Variants in PCDHGA4 observed in about 807,000 individuals in gnomAD.
The protein encoded by PCDHGA4 is protocadherin gamma subfamily A, 4.
A neutral mutation model predicts 54.6 loss-of-function variants in PCDHGA4; 38 were observed. The observed-to-expected ratio is 0.70, with a 90% CI of 0.54 to 0.91. The LOEUF (loss-of-function observed/expected upper bound fraction) is 0.91, where lower values mean the gene tolerates loss of function less well. PCDHGA4 is among the 40% of genes least tolerant of loss of function. The pLI is 0.00. For synonymous variants in PCDHGA4, 511 were observed against 512.9 expected (o/e 1.00, Z 0.05); for missense variants, 1,298 against 1,220.9 (o/e 1.06, Z -0.94).
At position 141,447,650 on chromosome 5, in the gene PCDHGA4, T is replaced by C. The variant is rs555134653; in HGVS notation, c.2515-47157T>C. Reference sequence around the variant, plus strand: ...AACAGTATGAATGATGGTAGAATTTTCCCCCCCAGGAAGTTAGAACTGTTC... The same window carrying C: ...AACAGTATGAATGATGGTAGAATTTCCCCCCCCAGGAAGTTAGAACTGTTC... On this transcript the variant is annotated intron_variant, in intron 1 of 3. Transcript: ENST00000571252. Among the ~76,000 whole-genome samples, 24 of 152,106 alleles carry C rather than the reference T, an allele frequency of 1.6e-4. No homozygotes were observed. The South Asian group carries it at 2.3e-3, about 15-fold the overall frequency.
Position 141,485,715 on chromosome 5 carries a change from A to G in PCDHGA4, c.2515-9092A>G. The G allele has an allele frequency of 6.2e-7, 1 of 1,614,114 alleles. No homozygotes were observed. Among genetic ancestry groups the G allele is most frequent in the Non-Finnish European group, 8.5e-7 (1 of 1,180,012 alleles). On this transcript the variant is annotated intron_variant, in intron 1 of 3. Transcript: ENST00000571252. The surrounding 1 kb of genome is among the most constrained non-coding windows in gnomAD (Gnocchi z 5.7). ...AGCTCCAATGAACACTTTGCACTGGATGTGAAGAAGCGCAGCGACGGCAGC... is the reference window on the plus strand; with the variant it reads ...AGCTCCAATGAACACTTTGCACTGGGTGTGAAGAAGCGCAGCGACGGCAGC...
At chr5:141,452,887 C>T (rs1000136303) in intron 1 of PCDHGA4, among the ~76,000 whole-genome samples, 1 of 152,174 alleles carries the variant, frequency 6.6e-6, no homozygotes, top group Non-Finnish European at 1.5e-5. Flanking sequence ...ATAATTTATT[C>T]CACTTTTATT....
chr5:141,428,488 CTGT>C (rs2097142454), intron 1 of PCDHGA4: 1 of 312,362 alleles, frequency 3.2e-6, no homozygotes. Flanking sequence ...TTCCTGCAAT[CTGT>C]ATGTTCCCTC....
intron 1 of PCDHGA4, chr5:141,433,007 C>CT: frequency 6.2e-7 from 1 of 1,614,198 alleles, no homozygotes; most frequent in Non-Finnish European, 8.5e-7. Context: ...GCAGGCTTTC[C>CT]TGCAGACCTA....
At chr5:141,460,438 T>A (rs1035541143) in intron 1 of PCDHGA4, among the ~76,000 whole-genome samples, 16 of 152,172 alleles carry the variant, frequency 1.1e-4, no homozygotes, top group African/African-American at 3.1e-4. Flanking sequence ...TGGTGTGAGG[T>A]AACAATGAAG....
chr5:141,389,818 G>T, intron 1 of PCDHGA4: 2 of 1,613,888 alleles, frequency 1.2e-6, no homozygotes, highest in Non-Finnish European at 1.7e-6. Flanking sequence ...GTCGCCGTGC[G>T]TGACGGTGGA....
At chr5:141,390,047 C>T in intron 1 of PCDHGA4, 1 of 1,614,074 alleles carries the variant, frequency 6.2e-7, no homozygotes, top group Non-Finnish European at 8.5e-7. Flanking sequence ...GCCCCGCCTC[C>T]TGGAGCTGCT....
Position 141,432,058 on chromosome 5 carries a change from C to T in PCDHGA4, c.2515-62749C>T, listed in dbSNP as rs2097444209. On this transcript the variant is annotated intron_variant, in intron 1 of 3. Coordinates refer to ENST00000571252, the MANE Select transcript of PCDHGA4 (RefSeq NM_018917.4). The surrounding 1 kb of genome is among the most constrained non-coding windows in gnomAD (Gnocchi z 6.0). ...CTGACCGGGGAACCCCGCCCCTATC[C>T]ACGGAAACTCATATCTCGCTGAACG... 1 of 1,614,210 alleles carries T rather than the reference C, an allele frequency of 6.2e-7. No individual in the cohort carries two copies.
rs144018757 is a variant in PCDHGA4, at chr5:141,443,001, A to G, written c.2515-51806A>G. On this transcript the variant is annotated intron_variant, in intron 1 of 3. Transcript: ENST00000571252. ...GTTAGCCTATAATTTCAGTAAATCTAAGAATATGACTAATGGAAGTTGCCA... is the reference window on the plus strand; with the variant it reads ...GTTAGCCTATAATTTCAGTAAATCTGAGAATATGACTAATGGAAGTTGCCA... Among the ~76,000 whole-genome samples the G allele has an allele frequency of 1.3e-3, 194 of 152,312 alleles. 1 individual carries two copies. The East Asian group carries it at 0.032, about 25-fold the overall frequency.
At chr5:141,433,693 C>T (rs772152724) in intron 1 of PCDHGA4, among the ~76,000 whole-genome samples, 2 of 151,986 alleles carry the variant, frequency 1.3e-5, no homozygotes, top group Admixed American at 6.6e-5. Flanking sequence ...CAAAATTAGC[C>T]GGGCGTGGTG....
At position 141,356,674 on chromosome 5, in the gene PCDHGA4, G is replaced by A; in HGVS notation, c.1567G>A (p.Ala523Thr). The A allele has an allele frequency of 2.5e-6, 4 of 1,613,934 alleles. No homozygotes were observed. The highest frequency in any genetic ancestry group is 2.5e-6 in the Non-Finnish European group (3 of 1,179,904). The stretch of plus-strand genomic sequence containing the variant: ...CAATGCCCGAATCACTTACTCCCTG[G>A]CCGAAGACACCTTCCAGGGTGCACC... Reference protein sequence around the residue: ...GDNARITYSLAEDTFQGAPLS... With the variant: ...GDNARITYSLTEDTFQGAPLS... Residue 523 changes from alanine (A) to threonine (T), a missense_variant, in exon 1 of 4, where the codon GCC becomes ACC. Ala to Thr is a moderately conservative substitution (Grantham distance 58). Transcript: ENST00000571252.
chr5:141,495,069 T>G (rs1179878936), intron 2 of PCDHGA4, among the ~76,000 whole-genome samples: 1 of 152,142 alleles, frequency 6.6e-6, no homozygotes, highest in African/African-American at 2.4e-5. Flanking sequence ...GGAAGCTCAA[T>G]TCACATGCTT....
intron 1 of PCDHGA4, chr5:141,362,322 T>C (rs369360424): frequency 6.2e-7 from 1 of 1,614,066 alleles, no homozygotes; most frequent in South Asian, 1.1e-5. Flanking sequence ...GTTTTCAGCC[T>C]GGTCTCAGCT....
At chr5:141,475,829 G>A (rs1408248560) in intron 1 of PCDHGA4, 5 of 386,748 alleles carry the variant, frequency 1.3e-5, no homozygotes, top group Non-Finnish European at 2.3e-5. Flanking sequence ...GCGCTAGCGC[G>A]TGTCCTGCTC....
At chr5:141,370,175 T>C in intron 1 of PCDHGA4, 1 of 463,044 alleles carries the variant, frequency 2.2e-6, no homozygotes, top group East Asian at 3.2e-5. Context: ...AGGCGCCGGG[T>C]GCCGCTCTTG....
intron 1 of PCDHGA4, chr5:141,428,653 T>A (rs952656382): frequency 1.8e-5 from 3 of 167,524 alleles, no homozygotes; most frequent in Admixed American, 1.1e-4. Flanking sequence ...TCACGTGAGT[T>A]CCAATGAATG....
Position 141,384,271 on chromosome 5 carries a change from T to G in PCDHGA4, c.2514+26650T>G, listed in dbSNP as rs763450732. On this transcript the variant is annotated intron_variant, in intron 1 of 3. Coordinates refer to ENST00000571252, the MANE Select transcript of PCDHGA4 (RefSeq NM_018917.4). ...ACCCACCTTCCCCCACTCATCCTAC[T>G]CAGTCTACATCGCTGAGAACAACCC... is the stretch of plus-strand genomic sequence containing the variant. The G allele has an allele frequency of 4.0e-5, 65 of 1,613,734 alleles. No individual in the cohort carries two copies. The Admixed American group carries it at 5.7e-4, about 14-fold the overall frequency.
At chr5:141,361,698 T>A (rs779293216) in intron 1 of PCDHGA4, 3 of 1,613,408 alleles carry the variant, frequency 1.9e-6, no homozygotes, top group South Asian at 2.2e-5. Context: ...GCGCCTTCGA[T>A]CATGAGCAGC....
intron 1 of PCDHGA4, among the ~76,000 whole-genome samples, chr5:141,450,005 T>A (rs1439257597): frequency 1.0e-5 from 1 of 99,604 alleles, no homozygotes; most frequent in Non-Finnish European, 1.8e-5. Context: ...TTGCCATGTC[T>A]CTTTTTTTTT....
Sources: gnomAD v4.1 joint callset for allele counts (sites outside exome capture counted in the v4.1 genomes callset) on GRCh38, gnomAD v4.1.1 for gene constraint, Gnocchi (gnomAD v3.1) non-coding constraint, MANE v1.5 for transcripts, NCBI Gene and HGNC (gene_info 2026-07-23, HGNC 2026-07-21) for gene names.